BMERB1: variants seen among roughly 807,000 people sequenced by gnomAD.
BMERB1 encodes the protein bMERB domain containing 1.
BMERB1 carries 12 observed loss-of-function variants against 23.6 expected under a neutral mutation model. The ratio of observed to expected loss-of-function variants is 0.51; its 90% confidence interval spans 0.33 to 0.82. BMERB1 has a LOEUF of 0.82. Ranked by LOEUF, BMERB1 falls within the 40% of genes least tolerant of loss-of-function variation. The pLI, the probability that BMERB1 is intolerant of heterozygous loss-of-function variation, is 0.03. For missense variants in BMERB1, 247 were observed against 255.4 expected, an observed-to-expected ratio of 0.97 and a Z score of 0.22; for synonymous variants, 122 against 96.6, an observed-to-expected ratio of 1.26 and a Z score of -1.54.
At chr16:15,569,226 AAGAG>A (rs1412109437) in intron 3 of BMERB1, among the ~76,000 whole-genome samples, 2 of 152,238 alleles carry the variant, frequency 1.3e-5, no homozygotes, top group Non-Finnish European at 2.9e-5. Context: ...AAAAAAAAGA[AAGAG>A]AGAACTGAGT....
intron 1 of BMERB1, among the ~76,000 whole-genome samples, chr16:15,446,465 G>A (rs745663471): frequency 2.4e-4 from 36 of 152,162 alleles, no homozygotes; most frequent in Non-Finnish European, 4.6e-4. Context: ...CTGTGTGCAT[G>A]TTTTACATGC....
chr16:15,579,116 AGTT>A (rs2030944900), intron 3 of BMERB1, among the ~76,000 whole-genome samples: 1 of 152,160 alleles, frequency 6.6e-6, no homozygotes, highest in Non-Finnish European at 1.5e-5. Context: ...GGGCCCAGCC[AGTT>A]GTTGGGTGAT....
intron 2 of BMERB1, among the ~76,000 whole-genome samples, chr16:15,531,061 T>C (rs569665534): frequency 6.6e-6 from 1 of 151,980 alleles, no homozygotes; most frequent in African/African-American, 2.4e-5. Context: ...CCCGCTGCCA[T>C]GCCCAGCTAA....
At chr16:15,484,576 A>G (rs532302441) in intron 1 of BMERB1, among the ~76,000 whole-genome samples, 8 of 152,170 alleles carry the variant, frequency 5.3e-5, no homozygotes, top group African/African-American at 1.9e-4. Context: ...TAATTTTTGT[A>G]TTTTTAGTAG....
chr16:15,559,767 A>G (rs2030366986), intron 2 of BMERB1, among the ~76,000 whole-genome samples: 1 of 152,162 alleles, frequency 6.6e-6, no homozygotes. Flanking sequence ...TGTTCAAAGG[A>G]CCATGAAGCT....
At chr16:15,482,564 T>G (rs2051330493) in intron 1 of BMERB1, among the ~76,000 whole-genome samples, 2 of 151,812 alleles carry the variant, frequency 1.3e-5, no homozygotes, top group African/African-American at 4.8e-5. Flanking sequence ...CAGCTTGGAG[T>G]TGAGTCACTC....
chr16:15,498,998 A>G (rs1205200489), intron 1 of BMERB1, among the ~76,000 whole-genome samples: 1 of 152,242 alleles, frequency 6.6e-6, no homozygotes, highest in African/African-American at 2.4e-5. Flanking sequence ...TGCACTCAGA[A>G]TGAGTCTTCA....
intron 1 of BMERB1, among the ~76,000 whole-genome samples, chr16:15,457,273 A>T (rs1327173904): frequency 1.3e-5 from 2 of 152,226 alleles, no homozygotes; most frequent in Non-Finnish European, 2.9e-5. Flanking sequence ...GAAGAAAGAA[A>T]ATATCGTAAT....
intron 2 of BMERB1, among the ~76,000 whole-genome samples, chr16:15,522,392 A>G (rs376776858): frequency 6.6e-6 from 1 of 152,152 alleles, no homozygotes. Flanking sequence ...CCTGGCAGAG[A>G]TTCAAAATGG....
intron 1 of BMERB1, among the ~76,000 whole-genome samples, chr16:15,474,418 G>C (rs779192855): frequency 6.6e-6 from 1 of 151,940 alleles, no homozygotes; most frequent in African/African-American, 2.4e-5. Context: ...AGGGTGGAGC[G>C]CAGTGGCACA....
chr16:15,497,578 T>C (rs1368976382), intron 1 of BMERB1, among the ~76,000 whole-genome samples: 5 of 152,240 alleles, frequency 3.3e-5, no homozygotes, highest in Admixed American at 3.3e-4. Flanking sequence ...GCCTCTGTCC[T>C]CCAGAACTAT....
At chr16:15,572,233 A>G (rs2030746926) in intron 3 of BMERB1, among the ~76,000 whole-genome samples, 1 of 148,818 alleles carries the variant, frequency 6.7e-6, no homozygotes. Flanking sequence ...GAGGCCAATA[A>G]TACTACCCCC....
chr16:15,490,484 T>C (rs1378922529), intron 1 of BMERB1, among the ~76,000 whole-genome samples: 1 of 152,192 alleles, frequency 6.6e-6, no homozygotes, highest in Non-Finnish European at 1.5e-5. Context: ...GGTCTTGCTA[T>C]GTTGCCCAGG....
intron 2 of BMERB1, among the ~76,000 whole-genome samples, chr16:15,539,841 CA>C (rs377514039): frequency 0.019 from 2,264 of 119,988 alleles, 53 homozygotes; most frequent in African/African-American, 0.061. Context: ...GATTCCGTCT[CA>C]AAAAAAAAAA....
intron 2 of BMERB1, among the ~76,000 whole-genome samples, chr16:15,544,211 T>G (rs1352055846): frequency 6.6e-6 from 1 of 152,242 alleles, no homozygotes; most frequent in Non-Finnish European, 1.5e-5. Context: ...TGAGTCCACT[T>G]TTTAAATGCC....
chr16:15,502,520 C>T (rs1337894277), intron 1 of BMERB1: 16 of 726,298 alleles, frequency 2.2e-5, no homozygotes, highest in Non-Finnish European at 3.9e-5. Context: ...GGCGGCTTCC[C>T]ATTACATTCA....
At chr16:15,437,633 T>C (rs2050899525) in intron 1 of BMERB1, among the ~76,000 whole-genome samples, 1 of 152,188 alleles carries the variant, frequency 6.6e-6, no homozygotes, top group Admixed American at 6.5e-5. Flanking sequence ...GAAATTTTTG[T>C]ACTTCTGGGT....
intron 2 of BMERB1, among the ~76,000 whole-genome samples, chr16:15,549,335 C>T (rs978861677): frequency 1.8e-5 from 2 of 111,580 alleles, no homozygotes; most frequent in African/African-American, 7.1e-5. Flanking sequence ...ACAGAGCAAG[C>T]AAGATTCTAT....
chr16:15,547,397 A>G (rs962818215), intron 2 of BMERB1, among the ~76,000 whole-genome samples: 4 of 150,002 alleles, frequency 2.7e-5, no homozygotes, highest in Non-Finnish European at 5.9e-5. Flanking sequence ...GCTGGAGTGC[A>G]ATGGCAGGAT....
Sources: allele counts gnomAD v4.1 joint callset (sites outside exome capture counted in the v4.1 genomes callset), GRCh38; gene constraint gnomAD v4.1.1; transcripts MANE v1.5; gene names NCBI Gene and HGNC (gene_info 2026-07-23, HGNC 2026-07-21).